The following COPG2 variants were observed in gnomAD, a reference collection of about 807,000 sequenced individuals.
The protein encoded by COPG2 is coatomer subunit gamma-2.
COPG2 carries 37 observed loss-of-function variants against 46.3 expected under a neutral mutation model. That is an observed-to-expected ratio of 0.80 (90% CI 0.61 to 1.05). The LOEUF (loss-of-function observed/expected upper bound fraction) is 1.05. Among genes scored for constraint, COPG2 ranks in the 50% least tolerant of loss-of-function variants. The pLI is 0.00. For synonymous variants in COPG2, 159 were observed against 129.7 expected (o/e 1.23, Z -1.53); for missense variants, 427 against 387.8 (o/e 1.10, Z -0.85).
intron 12 of COPG2, among the ~76,000 whole-genome samples, chr7:130,558,669 C>G (rs1793668611): frequency 6.6e-6 from 1 of 152,098 alleles, no homozygotes; most frequent in African/African-American, 2.4e-5. Context: ...TATAGGTGTG[C>G]ACCACCATGT....
intron 5 of COPG2, among the ~76,000 whole-genome samples, chr7:130,649,946 A>G (rs1455221550): frequency 1.3e-5 from 2 of 152,228 alleles, no homozygotes; most frequent in Non-Finnish European, 2.9e-5. Context: ...TCTTACAGTT[A>G]TAAAAGTTAG....
intron 20 of COPG2, among the ~76,000 whole-genome samples, chr7:130,524,244 T>C (rs1799753522): frequency 6.6e-6 from 1 of 152,052 alleles, no homozygotes; most frequent in Non-Finnish European, 1.5e-5. Flanking sequence ...CAGAGATGAC[T>C]GCATCTGGTG....
chr7:130,576,070 A>C (rs1432735471), intron 9 of COPG2, among the ~76,000 whole-genome samples: 1 of 152,236 alleles, frequency 6.6e-6, no homozygotes, highest in Non-Finnish European at 1.5e-5. Flanking sequence ...AATTTATAAA[A>C]CAAGTATTAC....
intron 1 of COPG2, among the ~76,000 whole-genome samples, 175 bp from the exon 2 acceptor site, chr7:130,667,709 T>C (rs949498189): frequency 6.6e-6 from 1 of 152,250 alleles, no homozygotes. Context: ...GCTCTGTCAC[T>C]GCCATACTCG....
intron 20 of COPG2, among the ~76,000 whole-genome samples, chr7:130,523,895 C>T (rs987861978): frequency 4.0e-5 from 6 of 151,036 alleles, no homozygotes; most frequent in Non-Finnish European, 7.4e-5. Flanking sequence ...CCAGGAGGAG[C>T]GGAGGAGCCG....
intron 5 of COPG2, among the ~76,000 whole-genome samples, chr7:130,646,219 A>G (rs1488694372): frequency 1.3e-5 from 2 of 152,228 alleles, no homozygotes; most frequent in African/African-American, 4.8e-5. Flanking sequence ...AGGTGTCCAT[A>G]CATTGGCTAT....
intron 5 of COPG2, 82 bp from the exon 6 acceptor site, chr7:130,617,147 C>A: frequency 1.4e-6 from 1 of 729,050 alleles, no homozygotes. Context: ...TCCAATTGTC[C>A]CATAATTATC....
rs924301960 is a variant in COPG2 at position 130,656,690 on chromosome 7, C to T, written c.244-3742G>A. 2.0e-5 allele frequency among the ~76,000 whole-genome samples: 3 copies of T among 151,934 alleles called. No individual in the cohort carries two copies. The East Asian group carries it at 5.8e-4, about 29-fold the overall frequency. On this transcript the variant is annotated intron_variant, in intron 4 of 23. Transcript: ENST00000425248. ...TTCTAGAGACTACCAATAAACAATA[C>T]AAATACAAAAGCATCAAAACATACT...
intron 5 of COPG2, among the ~76,000 whole-genome samples, chr7:130,641,198 GAAC>G (rs1213476653): frequency 7.4e-6 from 1 of 135,408 alleles, no homozygotes; most frequent in Non-Finnish European, 1.6e-5. Flanking sequence ...AAAAAAAAGA[GAAC>G]AACAGAGAAG....
At chr7:130,651,347 C>T (rs968728103) in intron 5 of COPG2, among the ~76,000 whole-genome samples, 10 of 151,380 alleles carry the variant, frequency 6.6e-5, no homozygotes, top group South Asian at 2.1e-4. Context: ...GACTGAGTCT[C>T]GCTCTGTCAC....
intron 9 of COPG2, among the ~76,000 whole-genome samples, chr7:130,589,607 T>C (rs1473510310): frequency 1.3e-5 from 2 of 152,308 alleles, no homozygotes; most frequent in African/African-American, 4.8e-5. Flanking sequence ...TAATAGACAC[T>C]ACCAAATTAC....
intron 9 of COPG2, among the ~76,000 whole-genome samples, chr7:130,598,381 A>G (rs1554449976): frequency 6.6e-6 from 1 of 152,206 alleles, no homozygotes; most frequent in African/African-American, 2.4e-5. Context: ...AGTTCCACTA[A>G]AGAGAACTCA....
chr7:130,543,648 A>G (rs1793379991), intron 20 of COPG2, among the ~76,000 whole-genome samples: 1 of 152,228 alleles, frequency 6.6e-6, no homozygotes, highest in Admixed American at 6.5e-5. Context: ...GCTTATACAT[A>G]TTCACATTGT....
intron 5 of COPG2, among the ~76,000 whole-genome samples, chr7:130,652,075 TATA>T (rs1270134448): frequency 6.6e-6 from 1 of 152,232 alleles, no homozygotes; most frequent in Non-Finnish European, 1.5e-5. Context: ...TAAAATATTT[TATA>T]ATATGATGAT....
intron 9 of COPG2, among the ~76,000 whole-genome samples, chr7:130,595,335 T>G (rs1011603841): frequency 3.3e-5 from 5 of 152,216 alleles, no homozygotes; most frequent in Admixed American, 2.0e-4. Flanking sequence ...AAAATGGATT[T>G]GTATTTTCCA....
intron 6 of COPG2, among the ~76,000 whole-genome samples, chr7:130,614,327 C>G (rs1383547046): frequency 1.3e-5 from 2 of 152,180 alleles, no homozygotes; most frequent in African/African-American, 4.8e-5. Context: ...ACAATCACAA[C>G]AGAACAACAG....
rs538893647 is a variant in COPG2, at chr7:130,610,688, A to C, written c.737+265T>G. On this transcript the variant is annotated intron_variant, in intron 9 of 23. Transcript: ENST00000425248. ...TGCCAACTTTCATATTTAATTATCT[A>C]TATATCTTATGATCAATGCATATAT... 1.3e-4 allele frequency: 78 copies of C among 596,186 alleles called. No individual in the cohort carries two copies. The African/African-American group carries it at 1.3e-3, about 10-fold the overall frequency. The allele number at this position is 596,186 out of a possible 1,614,324, so 36.9% of individuals were successfully genotyped here.
At position 130,506,485 on chromosome 7, in the gene COPG2, GAA is replaced by G. The variant is rs61354155; in HGVS notation, c.*189_*190del. 0.015 allele frequency: 4,812 copies of G among 325,244 alleles called. No homozygotes were observed. The highest frequency in any genetic ancestry group is 0.023 in the East Asian group (465 of 19,974). The allele number at this position is 325,244 out of a possible 1,614,324, so 20.1% of individuals were successfully genotyped here. On this transcript the variant is annotated 3_prime_UTR_variant, in exon 24 of 24. Coordinates refer to ENST00000425248, the MANE Select transcript of COPG2 (RefSeq NM_012133.6). ...CAAAGCTGACCAAGTAGAATAAAAA[GAA>G]AAAAAAAAAAAAACAACCCATGCGC...
intron 5 of COPG2, among the ~76,000 whole-genome samples, chr7:130,638,854 G>C (rs1331280241): frequency 6.6e-6 from 1 of 152,212 alleles, no homozygotes; most frequent in Non-Finnish European, 1.5e-5. Context: ...CAGGGCCCTG[G>C]TGGCGTAGGC....
Sources: allele counts gnomAD v4.1 joint callset (sites outside exome capture counted in the v4.1 genomes callset), GRCh38; gene constraint gnomAD v4.1.1; transcripts MANE v1.5; gene names NCBI Gene and HGNC (gene_info 2026-07-23, HGNC 2026-07-21).